Variants in MED27 observed in about 807,000 individuals in gnomAD.
The protein encoded by MED27 is mediator complex subunit 27.
Under a neutral mutation model 38.2 loss-of-function variants are expected in MED27, and 30 were observed. The observed-to-expected ratio is 0.79, with a 90% CI of 0.59 to 1.07. The LOEUF (loss-of-function observed/expected upper bound fraction) is 1.07. Ranked by LOEUF, MED27 falls within the 50% of genes least tolerant of loss-of-function variation. The pLI, the probability that MED27 is intolerant of heterozygous loss-of-function variation, is 0.00. For missense variants in MED27, 289 were observed against 397.5 expected (o/e 0.73, Z 2.32); for synonymous variants, 122 against 153.5 (o/e 0.79, Z 1.52).
At chr9:131,881,374 C>T (rs1173973642) in intron 6 of MED27, among the ~76,000 whole-genome samples, 1 of 152,152 alleles carries the variant, frequency 6.6e-6, no homozygotes, top group Non-Finnish European at 1.5e-5. Flanking sequence ...TGCGTAACCA[C>T]ACCCTTCCTT....
chr9:131,907,507 C>T (rs545142179), intron 4 of MED27, among the ~76,000 whole-genome samples: 1 of 152,350 alleles, frequency 6.6e-6, no homozygotes, highest in South Asian at 2.1e-4. Context: ...GACGTAGCCT[C>T]GTTCACTCAG....
chr9:131,953,881 G>A (rs1589231375), intron 3 of MED27, among the ~76,000 whole-genome samples: 1 of 148,168 alleles, frequency 6.7e-6, no homozygotes, highest in East Asian at 2.0e-4. Flanking sequence ...CCAGTGGCAT[G>A]ATCTTGGCTC....
chr9:131,944,705 T>C (rs1830851096), intron 3 of MED27, among the ~76,000 whole-genome samples: 1 of 151,972 alleles, frequency 6.6e-6, no homozygotes, highest in Non-Finnish European at 1.5e-5. Flanking sequence ...CTGATTTTTG[T>C]ATTTTTAGTA....
chr9:131,900,829 G>A (rs1275261262), intron 4 of MED27, among the ~76,000 whole-genome samples: 1 of 151,942 alleles, frequency 6.6e-6, no homozygotes, highest in Non-Finnish European at 1.5e-5. Flanking sequence ...GTTATTTTCT[G>A]TATACAAAAT....
chr9:131,980,010 T>C (rs559952730), intron 3 of MED27, among the ~76,000 whole-genome samples: 1 of 152,352 alleles, frequency 6.6e-6, no homozygotes, highest in South Asian at 2.1e-4. Flanking sequence ...ACTGTTTCTT[T>C]AAATGGCTTT....
intron 3 of MED27, among the ~76,000 whole-genome samples, chr9:131,954,663 GCTA>G (rs1831060832): frequency 6.6e-6 from 1 of 152,080 alleles, no homozygotes; most frequent in Admixed American, 6.6e-5. Context: ...GCTCATCAAT[GCTA>G]CCACTGACCC....
intron 3 of MED27, among the ~76,000 whole-genome samples, chr9:131,965,346 C>T (rs1239748736): frequency 6.6e-6 from 1 of 152,214 alleles, no homozygotes; most frequent in Admixed American, 6.5e-5. Context: ...ATGAACAAAG[C>T]AAGCTGGTTA....
At chr9:131,895,746 T>C (rs1214296970) in intron 4 of MED27, among the ~76,000 whole-genome samples, 1 of 152,224 alleles carries the variant, frequency 6.6e-6, no homozygotes, top group Non-Finnish European at 1.5e-5. Context: ...TATTTTTTGT[T>C]GTCCTATGTC....
At chr9:131,933,872 C>T (rs995252009) in intron 4 of MED27, among the ~76,000 whole-genome samples, 1 of 152,124 alleles carries the variant, frequency 6.6e-6, no homozygotes, top group Non-Finnish European at 1.5e-5. Context: ...TACCTGACTT[C>T]AAATTATATT....
chr9:131,949,725 G>A (rs1047310790), intron 3 of MED27, among the ~76,000 whole-genome samples: 1 of 152,162 alleles, frequency 6.6e-6, no homozygotes, highest in Non-Finnish European at 1.5e-5. Context: ...TTCATGCAGT[G>A]CCTAAGTGAG....
intron 3 of MED27, among the ~76,000 whole-genome samples, chr9:131,950,930 G>C (rs1285246425): frequency 2.6e-5 from 4 of 152,186 alleles, no homozygotes; most frequent in Non-Finnish European, 4.4e-5. Flanking sequence ...TCTACAAGTA[G>C]TAAAAATTTC....
In MED27 at chr9:131,895,190, C is replaced by T. The variant is rs1320397245; in HGVS notation, c.574-1198G>A. ...ACAATAAACAATATACGGATGAAGACGAGGGGCTCACGTAACTCTTCTAAG... is the reference window on the plus strand; with the variant it reads ...ACAATAAACAATATACGGATGAAGATGAGGGGCTCACGTAACTCTTCTAAG... On this transcript the variant is annotated intron_variant, in intron 4 of 7. Transcript: ENST00000292035. Among the ~76,000 whole-genome samples the T allele has an allele frequency of 2.6e-5, 4 of 152,266 alleles. No individual in the cohort carries two copies. In the East Asian group the frequency reaches 7.7e-4, roughly 29 times the overall value.
At chr9:131,968,427 T>C (rs1218128203) in intron 3 of MED27, among the ~76,000 whole-genome samples, 8 of 133,174 alleles carry the variant, frequency 6.0e-5, no homozygotes, top group South Asian at 2.3e-4. Flanking sequence ...TGAGCCTAGA[T>C]CACACCACTG....
At chr9:131,947,695 C>G (rs2130980191) in intron 3 of MED27, among the ~76,000 whole-genome samples, 1 of 152,110 alleles carries the variant, frequency 6.6e-6, no homozygotes, top group Middle Eastern at 3.4e-3. Flanking sequence ...AAAAAACACA[C>G]ACACACAACA....
At chr9:132,012,781 TTGTTTGGTCTCCTCCCACCCCCGAAA>T (rs1313432895) in intron 3 of MED27, among the ~76,000 whole-genome samples, 1 of 152,184 alleles carries the variant, frequency 6.6e-6, no homozygotes, top group Non-Finnish European at 1.5e-5. Flanking sequence ...TGAGGGGTGC[TTGTTTGGTCTCCTCCCACCCCCGAAA>T]TGAAAAGCTT....
Position 131,975,972 on chromosome 9 carries a change from G to C in MED27, c.480-36498C>G, listed in dbSNP as rs181558341. Among the ~76,000 whole-genome samples the C allele has an allele frequency of 3.2e-3, 482 of 152,266 alleles. 1 individual carries two copies. The highest frequency in any genetic ancestry group is 6.8e-3 in the Middle Eastern group (2 of 294). ...TCTGTCAGCTTTGTTTGATTCTCTAGGACATACTCATTCCCTTTCCTGTCC... is the reference window on the plus strand; with the variant it reads ...TCTGTCAGCTTTGTTTGATTCTCTACGACATACTCATTCCCTTTCCTGTCC... On this transcript the variant is annotated intron_variant, in intron 3 of 7. Coordinates refer to ENST00000292035, the MANE Select transcript of MED27 (RefSeq NM_004269.4).
rs1589293555 is a variant in MED27, at chr9:132,056,598, C to G, written c.348+20844G>C. Among the ~76,000 whole-genome samples the G allele has an allele frequency of 2.0e-5, 3 of 152,304 alleles. No individual in the cohort carries two copies. In the South Asian group the frequency reaches 6.2e-4, roughly 32 times the overall value. ...TCAACTGGTAAGTGTAATGCAAAAT[C>G]TGAAAAACCTCTGGTCCCAAGCATT... is the stretch of plus-strand genomic sequence containing the variant. On this transcript the variant is annotated intron_variant, in intron 2 of 7. Coordinates refer to ENST00000292035, the MANE Select transcript of MED27 (RefSeq NM_004269.4).
intron 4 of MED27, among the ~76,000 whole-genome samples, chr9:131,907,614 G>A (rs1009817614): frequency 3.3e-5 from 5 of 152,168 alleles, no homozygotes; most frequent in African/African-American, 4.8e-5. Flanking sequence ...AAAGTGCCGA[G>A]ATTGCAGCCT....
intron 2 of MED27, among the ~76,000 whole-genome samples, chr9:132,029,525 G>A (rs1832903519): frequency 6.6e-6 from 1 of 152,172 alleles, no homozygotes; most frequent in African/African-American, 2.4e-5. Context: ...ACAGGACAGA[G>A]TATGAAAAAC....
Sources: gnomAD v4.1 joint callset for allele counts (sites outside exome capture counted in the v4.1 genomes callset) on GRCh38, gnomAD v4.1.1 for gene constraint, MANE v1.5 for transcripts, NCBI Gene and HGNC (gene_info 2026-07-23, HGNC 2026-07-21) for gene names.